Variants in HSP90AA1 observed in about 807,000 individuals in gnomAD.
The protein encoded by HSP90AA1 is heat shock protein 90 alpha family class A member 1.
Under a neutral mutation model 73.3 loss-of-function variants are expected in HSP90AA1, and 18 were observed. The observed-to-expected ratio is 0.25, with a 90% CI of 0.17 to 0.36. HSP90AA1 has a LOEUF of 0.36. HSP90AA1 is among the 10% of genes least tolerant of loss of function. The pLI, the probability that HSP90AA1 is intolerant of heterozygous loss-of-function variation, is 1.00. For synonymous variants in HSP90AA1, 477 were observed against 296.9 expected, an observed-to-expected ratio of 1.61 and a Z score of -6.24; for missense variants, 704 against 874.2, an observed-to-expected ratio of 0.81 and a Z score of 2.45.
At chr14:102,138,861 C>A (rs1687057725) in intron 1 of HSP90AA1, among the ~76,000 whole-genome samples, 1 of 152,074 alleles carries the variant, frequency 6.6e-6, no homozygotes, top group South Asian at 2.1e-4. Flanking sequence ...CACGTGTGCC[C>A]GTCCTTATAA....
At chr14:102,135,441 T>C (rs1341870896) in intron 1 of HSP90AA1, among the ~76,000 whole-genome samples, 1 of 152,296 alleles carries the variant, frequency 6.6e-6, no homozygotes, top group East Asian at 1.9e-4. Context: ...TGAGCCCAGC[T>C]GCCTTCACCT....
intron 2 of HSP90AA1, among the ~76,000 whole-genome samples, chr14:102,100,576 C>T (rs1156558775): frequency 6.6e-6 from 1 of 152,160 alleles, no homozygotes; most frequent in East Asian, 1.9e-4. Context: ...CAGGCATGCA[C>T]CATCATGCCC....
At chr14:102,101,883 T>A in exon 2 of HSP90AA1, 2 of 1,613,286 alleles carry the variant, frequency 1.2e-6, no homozygotes, top group Non-Finnish European at 1.7e-6. Context: ...ACCAGTAGCC[T>A]AAGCAATATA....
chr14:102,135,675 C>T (rs2049982801), intron 1 of HSP90AA1, among the ~76,000 whole-genome samples: 1 of 152,250 alleles, frequency 6.6e-6, no homozygotes, highest in Non-Finnish European at 1.5e-5. Flanking sequence ...GCAGCTAAGG[C>T]CCGGCGAGAA....
upstream of HSP90AA1, among the ~76,000 whole-genome samples, chr14:102,088,593 T>C (rs969386390): frequency 4.6e-5 from 7 of 152,106 alleles, no homozygotes; most frequent in Non-Finnish European, 8.8e-5. Flanking sequence ...TGACCGGGTG[T>C]GTGCCTGGTC....
At chr14:102,129,783 G>C (rs567443021) in intron 1 of HSP90AA1, among the ~76,000 whole-genome samples, 1 of 146,024 alleles carries the variant, frequency 6.8e-6, no homozygotes. Flanking sequence ...GATTACAGGC[G>C]TGAGCCACCA....
At chr14:102,085,209 G>T in intron 4 of HSP90AA1, 89 bp downstream of exon 4, 1 of 1,476,362 alleles carries the variant, frequency 6.8e-7, no homozygotes, top group Non-Finnish European at 9.5e-7. Context: ...CTTCAGACTA[G>T]TTGAACAGAT....
At chr14:102,129,705 G>T (rs571554743) in intron 1 of HSP90AA1, among the ~76,000 whole-genome samples, 1 of 151,810 alleles carries the variant, frequency 6.6e-6, no homozygotes, top group Non-Finnish European at 1.5e-5. Flanking sequence ...AGGTTTCACC[G>T]TGTTGGCTAG....
chr14:102,100,274 G>T (rs535248894), intron 2 of HSP90AA1, among the ~76,000 whole-genome samples: 1 of 152,160 alleles, frequency 6.6e-6, no homozygotes, highest in Admixed American at 6.5e-5. Flanking sequence ...TCTCCCAGTG[G>T]TTTTTGAGGA....
chr14:102,119,060 G>T (rs909821139), intron 1 of HSP90AA1, among the ~76,000 whole-genome samples: 4 of 151,904 alleles, frequency 2.6e-5, no homozygotes, highest in Non-Finnish European at 5.9e-5. Context: ...TCACTATGTT[G>T]CCCATGCTGG....
intron 1 of HSP90AA1, among the ~76,000 whole-genome samples, chr14:102,103,660 C>T (rs997812086): frequency 5.3e-5 from 8 of 151,838 alleles, no homozygotes; most frequent in Admixed American, 2.6e-4. Flanking sequence ...AAAAATTAGC[C>T]GGGTATGGCA....
chr14:102,125,320 C>G (rs1273961345), intron 1 of HSP90AA1, among the ~76,000 whole-genome samples: 9 of 152,278 alleles, frequency 5.9e-5, no homozygotes, highest in African/African-American at 1.9e-4. Context: ...TCCCAACAAA[C>G]AGATCTAGAG....
chr14:102,113,912 A>T (rs1233398405), intron 1 of HSP90AA1, among the ~76,000 whole-genome samples: 1 of 151,938 alleles, frequency 6.6e-6, no homozygotes, highest in African/African-American at 2.4e-5. Context: ...AGGTTTCACC[A>T]TGTTAGCCAG....
intron 1 of HSP90AA1, among the ~76,000 whole-genome samples, chr14:102,112,197 G>A (rs755109480): frequency 2.9e-4 from 44 of 152,004 alleles, no homozygotes; most frequent in Admixed American, 5.9e-4. Flanking sequence ...TTTTTGAGAC[G>A]GAGTCTCACT....
chr14:102,095,991 G>T (rs928430857), intron 2 of HSP90AA1, among the ~76,000 whole-genome samples: 8 of 152,144 alleles, frequency 5.3e-5, no homozygotes, highest in Non-Finnish European at 1.0e-4. Context: ...CCCCACCTCT[G>T]CCTGCAACAC....
At chr14:102,118,386 G>A (rs1046258003) in intron 1 of HSP90AA1, among the ~76,000 whole-genome samples, 2 of 146,808 alleles carry the variant, frequency 1.4e-5, no homozygotes, top group Middle Eastern at 3.4e-3. Context: ...GATTAAAAAT[G>A]TCTCCCCTTC....
intron 1 of HSP90AA1, among the ~76,000 whole-genome samples, chr14:102,133,844 C>G (rs888774131): frequency 6.6e-6 from 1 of 152,102 alleles, no homozygotes; most frequent in African/African-American, 2.4e-5. Context: ...GGAAGGTCAT[C>G]TCTAGCAAGG....
intron 1 of HSP90AA1, among the ~76,000 whole-genome samples, chr14:102,121,072 G>A (rs1488164430): frequency 2.0e-5 from 3 of 151,284 alleles, no homozygotes; most frequent in African/African-American, 7.3e-5. Context: ...TTGCTCTGTG[G>A]CCCAGGCTGG....
rs76251630 is a variant in HSP90AA1 at position 102,138,378 on chromosome 14, A to G, written c.155+872T>C. 6.9e-3 allele frequency among the ~76,000 whole-genome samples: 1,058 copies of G among 152,360 alleles called. 8 individuals are homozygous for G. The highest frequency in any genetic ancestry group is 9.7e-3 in the Non-Finnish European group (663 of 68,042). The stretch of plus-strand genomic sequence containing the variant: ...CAGTTATGGAGTTTGGGATATAGCC[A>G]TGGTAACGACAGAACATACCCTGGT... On this transcript the variant is annotated intron_variant, in intron 1 of 11. Transcript: ENST00000334701.
Sources: gnomAD v4.1 joint callset for allele counts (sites outside exome capture counted in the v4.1 genomes callset) on GRCh38, gnomAD v4.1.1 for gene constraint, MANE v1.5 for transcripts, NCBI Gene and HGNC (gene_info 2026-07-23, HGNC 2026-07-21) for gene names.